LRMDA: variants seen among roughly 807,000 people sequenced by gnomAD.
LRMDA encodes leucine-rich melanocyte differentiation-associated protein.
In LRMDA, 18 loss-of-function variants were observed where a neutral mutation model predicts 29.8. The observed-to-expected ratio is 0.60, with a 90% confidence interval of 0.42 to 0.90. The LOEUF (loss-of-function observed/expected upper bound fraction) is 0.90, where lower values mean the gene tolerates loss of function less well. LRMDA is among the 40% of genes least tolerant of loss of function. LRMDA has a pLI of 0.00. For synonymous variants in LRMDA, 125 were observed against 109.4 expected, an observed-to-expected ratio of 1.14 and a Z score of -0.89; for missense variants, 273 against 273.9, an observed-to-expected ratio of 1.00 and a Z score of 0.02.
At chr10:75,932,987 C>A (rs1470200113) in intron 2 of LRMDA, among the ~76,000 whole-genome samples, 1 of 152,160 alleles carries the variant, frequency 6.6e-6, no homozygotes, top group Non-Finnish European at 1.5e-5. Context: ...AGTATTAATT[C>A]TTCAGAATCA....
chr10:76,437,247 A>G (rs1332312853), intron 6 of LRMDA, among the ~76,000 whole-genome samples: 2 of 152,226 alleles, frequency 1.3e-5, no homozygotes, highest in Admixed American at 6.5e-5. Flanking sequence ...AGCAGACCAG[A>G]TAACAAAGAA....
At chr10:76,411,642 G>A (rs1841962389) in intron 6 of LRMDA, among the ~76,000 whole-genome samples, 1 of 152,198 alleles carries the variant, frequency 6.6e-6, no homozygotes, top group African/African-American at 2.4e-5. Flanking sequence ...GGATCTCAAA[G>A]CACATTCATT....
At chr10:75,573,961 G>T (rs1210956229) in intron 2 of LRMDA, among the ~76,000 whole-genome samples, 1 of 151,424 alleles carries the variant, frequency 6.6e-6, no homozygotes, top group Non-Finnish European at 1.5e-5. Context: ...AACAGGCTTG[G>T]GGTTTTTGTT....
intron 6 of LRMDA, among the ~76,000 whole-genome samples, chr10:76,421,744 C>T (rs141852648): frequency 7.3e-4 from 111 of 152,212 alleles, no homozygotes; most frequent in Middle Eastern, 3.4e-3. Context: ...TGTTCCAGTC[C>T]GTGGCTAATA....
At chr10:75,509,869 C>G (rs1216545526) in intron 2 of LRMDA, among the ~76,000 whole-genome samples, 1 of 152,218 alleles carries the variant, frequency 6.6e-6, no homozygotes, top group East Asian at 1.9e-4. Context: ...TCTTGAGGCT[C>G]TTACAGCCTG....
At chr10:76,292,488 G>A (rs1276651435) in intron 5 of LRMDA, among the ~76,000 whole-genome samples, 1 of 152,134 alleles carries the variant, frequency 6.6e-6, no homozygotes. Context: ...TGCCTTGAAT[G>A]GGCAATTTGC....
At position 76,452,911 on chromosome 10, in the gene LRMDA, C is replaced by T. The variant is rs1413169320; in HGVS notation, c.602-104298C>T. Among the ~76,000 whole-genome samples, 5 of 152,254 alleles carry T rather than the reference C, an allele frequency of 3.3e-5. No homozygotes were observed. The East Asian group carries it at 9.7e-4, about 29-fold the overall frequency. ...TAGTATAAGGGGTATTTCTATTATG[C>T]CATGCAACTTCTCTACTGGACAGTA... is the stretch of plus-strand genomic sequence containing the variant. On this transcript the variant is annotated intron_variant, in intron 6 of 6. Transcript: ENST00000611255.
intron 2 of LRMDA, among the ~76,000 whole-genome samples, chr10:75,841,820 T>C (rs1472782484): frequency 6.6e-6 from 1 of 152,214 alleles, no homozygotes; most frequent in Non-Finnish European, 1.5e-5. Context: ...GCTCCAGAAC[T>C]GATCTTGGTC....
At chr10:75,685,054 C>T (rs1307091385) in intron 2 of LRMDA, among the ~76,000 whole-genome samples, 1 of 152,138 alleles carries the variant, frequency 6.6e-6, no homozygotes, top group Non-Finnish European at 1.5e-5. Flanking sequence ...GATCTTTTCT[C>T]CTTCTGGTAG....
intron 2 of LRMDA, among the ~76,000 whole-genome samples, chr10:75,509,490 G>C (rs999615376): frequency 3.3e-5 from 5 of 152,280 alleles, no homozygotes; most frequent in Non-Finnish European, 4.4e-5. Flanking sequence ...GTGGCTCTCT[G>C]AGAGTTACAG....
chr10:76,485,258 A>G (rs1488102668), intron 6 of LRMDA, among the ~76,000 whole-genome samples: 1 of 151,698 alleles, frequency 6.6e-6, no homozygotes, highest in African/African-American at 2.4e-5. Flanking sequence ...AGCATTTTAT[A>G]TGATTCTATA....
chr10:75,876,585 T>C (rs1845202374), intron 2 of LRMDA, among the ~76,000 whole-genome samples: 1 of 152,188 alleles, frequency 6.6e-6, no homozygotes, highest in Non-Finnish European at 1.5e-5. Context: ...CAGGTCCTAG[T>C]CTAGAACTTT....
At chr10:76,177,339 A>G (rs938898697) in intron 5 of LRMDA, among the ~76,000 whole-genome samples, 4 of 148,154 alleles carry the variant, frequency 2.7e-5, no homozygotes, top group African/African-American at 9.7e-5. Flanking sequence ...GGAATGCTAT[A>G]TGAAAAGCTG....
chr10:76,442,914 T>C (rs1842318188), intron 6 of LRMDA, among the ~76,000 whole-genome samples: 1 of 152,218 alleles, frequency 6.6e-6, no homozygotes, highest in Non-Finnish European at 1.5e-5. Context: ...GTGTGATTTC[T>C]TTATTTGGAT....
chr10:76,521,367 C>T (rs1843119619), intron 6 of LRMDA, among the ~76,000 whole-genome samples: 1 of 152,192 alleles, frequency 6.6e-6, no homozygotes, highest in African/African-American at 2.4e-5. Context: ...ATCTCCTGAC[C>T]TTGTGATCTG....
At chr10:76,453,258 G>T (rs187872691) in intron 6 of LRMDA, among the ~76,000 whole-genome samples, 390 of 152,246 alleles carry the variant, frequency 2.6e-3, no homozygotes, top group Middle Eastern at 0.014. Flanking sequence ...GCATATATTT[G>T]CTGGGATTCT....
intron 2 of LRMDA, among the ~76,000 whole-genome samples, chr10:75,720,794 G>A (rs1842557567): frequency 6.6e-6 from 1 of 152,194 alleles, no homozygotes. Context: ...TCCAGTGTGT[G>A]TAGACCTCTG....
intron 2 of LRMDA, among the ~76,000 whole-genome samples, chr10:75,468,719 G>A (rs746851748): frequency 4.9e-4 from 75 of 152,224 alleles, no homozygotes; most frequent in Non-Finnish European, 9.4e-4. Context: ...AAGGGTCAGG[G>A]TGGGAAGAGA....
At chr10:75,509,331 AAAAT>A (rs1845201932) in intron 2 of LRMDA, among the ~76,000 whole-genome samples, 1 of 152,256 alleles carries the variant, frequency 6.6e-6, no homozygotes, top group Non-Finnish European at 1.5e-5. Context: ...GAAAAAGAAA[AAAAT>A]AAGCAAATAT....
Sources: allele counts gnomAD v4.1 joint callset (sites outside exome capture counted in the v4.1 genomes callset), GRCh38; gene constraint gnomAD v4.1.1; transcripts MANE v1.5; gene names NCBI Gene and HGNC (gene_info 2026-07-23, HGNC 2026-07-21).